MCTP1: variants seen among roughly 807,000 people sequenced by gnomAD.
MCTP1 encodes multiple C2 and transmembrane domain-containing protein 1.
In MCTP1, 69 loss-of-function variants were observed where a neutral mutation model predicts 120.6. The ratio of observed to expected loss-of-function variants is 0.57; its 90% CI spans 0.47 to 0.70. The LOEUF (loss-of-function observed/expected upper bound fraction) is 0.70. Ranked by LOEUF, MCTP1 falls within the 30% of genes least tolerant of loss-of-function variation. The pLI, the probability that MCTP1 is intolerant of heterozygous loss-of-function variation, is 0.00. For synonymous variants in MCTP1, 529 were observed against 493.1 expected, an observed-to-expected ratio of 1.07 and a Z score of -0.96; for missense variants, 1,203 against 1,248.8, an observed-to-expected ratio of 0.96 and a Z score of 0.55.
chr5:95,007,957 ATC>A (rs1404106542), intron 2 of MCTP1, among the ~76,000 whole-genome samples: 1 of 152,208 alleles, frequency 6.6e-6, no homozygotes, highest in Non-Finnish European at 1.5e-5. Context: ...TATAAATAGA[ATC>A]ACAATAAACA....
chr5:95,181,391 C>G (rs1167143167), intron 1 of MCTP1, among the ~76,000 whole-genome samples: 1 of 152,140 alleles, frequency 6.6e-6, no homozygotes, highest in African/African-American at 2.4e-5. Context: ...TTTGCTATTC[C>G]TTCCACATAA....
intron 1 of MCTP1, among the ~76,000 whole-genome samples, chr5:95,255,684 A>G (rs1757812862): frequency 6.6e-6 from 1 of 152,190 alleles, no homozygotes; most frequent in South Asian, 2.1e-4. Context: ...ATGGTGATTC[A>G]TATTTCTTAT....
intron 1 of MCTP1, among the ~76,000 whole-genome samples, chr5:95,095,006 ATTTTTTTTTTTTTTTTTT>A (rs756132693): frequency 1.1e-4 from 4 of 36,938 alleles, no homozygotes; most frequent in African/African-American, 1.2e-4. Flanking sequence ...GTTATGTTAG[ATTTTTTTTTTTTTTTTTT>A]TTTTTTTTTT....
At chr5:95,255,805 C>T (rs753744668) in intron 1 of MCTP1, among the ~76,000 whole-genome samples, 21 of 152,130 alleles carry the variant, frequency 1.4e-4, no homozygotes, top group Non-Finnish European at 3.1e-4. Flanking sequence ...CTAACTGCAT[C>T]CTGCCTTTAA....
chr5:94,870,348 A>C, intron 16 of MCTP1, 69 bp downstream of exon 16: 1 of 1,067,576 alleles, frequency 9.4e-7, no homozygotes, highest in East Asian at 2.4e-5. Flanking sequence ...AGTTTATTTG[A>C]ATTTACTTAG....
chr5:95,136,970 G>A (rs1277587643), intron 1 of MCTP1, among the ~76,000 whole-genome samples: 1 of 152,210 alleles, frequency 6.6e-6, no homozygotes, highest in Admixed American at 6.5e-5. Flanking sequence ...TATTTGTGAA[G>A]TATATGCCAC....
chr5:94,867,234 T>G, intron 17 of MCTP1: 1 of 1,433,514 alleles, frequency 7.0e-7, no homozygotes, highest in Non-Finnish European at 9.2e-7. Flanking sequence ...TTCTAAAACT[T>G]AACGATAATG....
At chr5:94,728,853 T>A (rs1762603443) in intron 19 of MCTP1, among the ~76,000 whole-genome samples, 2 of 152,218 alleles carry the variant, frequency 1.3e-5, no homozygotes, top group Non-Finnish European at 2.9e-5. Flanking sequence ...TGAGTAGTAT[T>A]TTGTTTAGCC....
intron 10 of MCTP1, among the ~76,000 whole-genome samples, chr5:94,898,162 G>A (rs966185945): frequency 6.6e-6 from 1 of 152,146 alleles, no homozygotes; most frequent in African/African-American, 2.4e-5. Context: ...GCTATATTCA[G>A]TGTTTCAGAA....
intron 1 of MCTP1, among the ~76,000 whole-genome samples, chr5:95,039,813 A>C (rs192998054): frequency 6.6e-6 from 1 of 150,948 alleles, no homozygotes; most frequent in African/African-American, 2.4e-5. Context: ...ATATTGTTTA[A>C]GTATTCCAAA....
intron 17 of MCTP1, among the ~76,000 whole-genome samples, chr5:94,809,362 GCC>G (rs1782985567): frequency 6.6e-6 from 1 of 151,860 alleles, no homozygotes; most frequent in Non-Finnish European, 1.5e-5. Context: ...AAAATGTAAA[GCC>G]CAGAGTATGT....
At chr5:95,061,526 C>T (rs1378153769) in intron 1 of MCTP1, among the ~76,000 whole-genome samples, 1 of 143,242 alleles carries the variant, frequency 7.0e-6, no homozygotes, top group Non-Finnish European at 1.5e-5. Flanking sequence ...AGCTCCGCCT[C>T]CCGGGTTCAC....
intron 2 of MCTP1, among the ~76,000 whole-genome samples, chr5:94,988,396 C>A (rs1203990163): frequency 6.6e-6 from 1 of 152,076 alleles, no homozygotes; most frequent in Non-Finnish European, 1.5e-5. Flanking sequence ...CTAATATCTC[C>A]ATTTCCATTT....
chr5:95,192,093 C>A (rs1749883086), intron 1 of MCTP1, among the ~76,000 whole-genome samples: 1 of 151,580 alleles, frequency 6.6e-6, no homozygotes, highest in South Asian at 2.1e-4. Flanking sequence ...TCATCCATAC[C>A]CTGCTGCTAC....
intron 17 of MCTP1, chr5:94,826,646 G>A: frequency 1.3e-6 from 1 of 753,644 alleles, no homozygotes; most frequent in Non-Finnish European, 2.3e-6. Context: ...TTTCTTGAGG[G>A]TTTCTGGCAC....
chr5:95,000,101 T>C (rs1833382830), intron 2 of MCTP1, among the ~76,000 whole-genome samples: 1 of 152,202 alleles, frequency 6.6e-6, no homozygotes, highest in Admixed American at 6.5e-5. Flanking sequence ...AAGATTATCA[T>C]GGACCTGAAA....
intron 12 of MCTP1, among the ~76,000 whole-genome samples, chr5:94,886,188 G>A (rs1016821278): frequency 1.3e-5 from 2 of 152,086 alleles, no homozygotes; most frequent in Non-Finnish European, 2.9e-5. Flanking sequence ...AGTAATTTGT[G>A]CTTTATACTC....
intron 2 of MCTP1, among the ~76,000 whole-genome samples, chr5:95,015,844 T>A (rs1392842760): frequency 6.6e-6 from 1 of 152,104 alleles, no homozygotes; most frequent in Admixed American, 6.6e-5. Flanking sequence ...AATAAATTAT[T>A]GTATATATAT....
rs991810230 is a variant in MCTP1 at position 94,839,483 on chromosome 5, T to C, written c.2436+28850A>G. Among the ~76,000 whole-genome samples, 2 of 151,934 alleles carry C rather than the reference T, an allele frequency of 1.3e-5. 1 individual carries two copies. The highest frequency in any genetic ancestry group is 4.2e-4 in the South Asian group (2 of 4,768). On this transcript the variant is annotated intron_variant, in intron 17 of 22. Coordinates refer to ENST00000515393, the MANE Select transcript of MCTP1 (RefSeq NM_024717.7). ...GAGGGTATGCAGAGAAAAGGCTCAA[T>C]AAAATAGAATTTTTTTCTCGGTAGT...
Sources: allele counts gnomAD v4.1 joint callset (sites outside exome capture counted in the v4.1 genomes callset), GRCh38; gene constraint gnomAD v4.1.1; transcripts MANE v1.5; gene names NCBI Gene and HGNC (gene_info 2026-07-23, HGNC 2026-07-21).